Variants in ASIC2 observed in about 807,000 individuals in gnomAD.
The protein encoded by ASIC2 is acid-sensing ion channel 2.
Under a neutral mutation model 57.3 loss-of-function variants are expected in ASIC2, and 25 were observed. That is an observed-to-expected ratio of 0.44 (90% CI 0.32 to 0.61). ASIC2 has a LOEUF of 0.61. Among genes scored for constraint, ASIC2 ranks in the 20% least tolerant of loss-of-function variants. The pLI is 0.06. For missense variants in ASIC2, 641 were observed against 738.1 expected (o/e 0.87, Z 1.52); for synonymous variants, 319 against 307.5 (o/e 1.04, Z -0.39).
intron 1 of ASIC2, among the ~76,000 whole-genome samples, chr17:33,326,849 T>C (rs77881530): frequency 8.1e-4 from 123 of 152,324 alleles, no homozygotes; most frequent in Non-Finnish European, 1.4e-3. Context: ...TGTTCCTTTC[T>C]TCCACACCCA....
intron 1 of ASIC2, among the ~76,000 whole-genome samples, chr17:33,819,138 G>A (rs1047346070): frequency 1.8e-4 from 27 of 152,242 alleles, no homozygotes; most frequent in Admixed American, 1.6e-3. Flanking sequence ...GCTCTTCACA[G>A]AGCTGGTAAG....
chr17:33,148,229 G>A (rs1320729300), intron 1 of ASIC2, among the ~76,000 whole-genome samples: 2 of 152,168 alleles, frequency 1.3e-5, no homozygotes, highest in Non-Finnish European at 2.9e-5. Flanking sequence ...ATGCCATACT[G>A]CACAAAGAAA....
chr17:33,350,472 G>T (rs1397213574), intron 1 of ASIC2, among the ~76,000 whole-genome samples: 1 of 152,090 alleles, frequency 6.6e-6, no homozygotes, highest in East Asian at 1.9e-4. Context: ...CCGAGGTCAG[G>T]AGTTTGAGAC....
At chr17:34,149,175 T>G (rs1782874901) in intron 1 of ASIC2, among the ~76,000 whole-genome samples, 1 of 151,104 alleles carries the variant, frequency 6.6e-6, no homozygotes, top group South Asian at 2.1e-4. Flanking sequence ...GGTGTGATCA[T>G]GGCTCCCTGC....
chr17:33,795,425 AG>A lies in ASIC2; in HGVS notation c.555+360552del, dbSNP rs1911888350. 2.6e-5 allele frequency among the ~76,000 whole-genome samples: 4 copies of A among 152,378 alleles called. No individual in the cohort carries two copies. The South Asian group carries it at 8.3e-4, about 32-fold the overall frequency. On this transcript the variant is annotated intron_variant, in intron 1 of 9. Coordinates refer to the ASIC2 transcript ENST00000359872. ...CCTTTTTGCCTTACTCCTTCACAGA[AG>A]CCCTTGTTCCTGAGAGCATGCCCCT...
At chr17:33,392,441 T>C (rs1555604617) in intron 1 of ASIC2, among the ~76,000 whole-genome samples, 2 of 152,048 alleles carry the variant, frequency 1.3e-5, no homozygotes, top group Non-Finnish European at 2.9e-5. Context: ...TTTATTGTAT[T>C]TTTAGTAGAG....
chr17:33,314,696 T>C (rs1906570401), intron 1 of ASIC2, among the ~76,000 whole-genome samples: 2 of 152,218 alleles, frequency 1.3e-5, no homozygotes, highest in South Asian at 2.1e-4. Context: ...TTTACAAAGA[T>C]AGGCAAGTCA....
At chr17:33,110,049 CTG>C (rs5820017) in intron 2 of ASIC2, among the ~76,000 whole-genome samples, 21,020 of 148,990 alleles carry the variant, frequency 0.14, 1,450 homozygotes, top group African/African-American at 0.16. Flanking sequence ...ATGTGTGTGT[CTG>C]TGTGTGTGTG....
At chr17:33,303,443 C>G (rs960239305) in intron 1 of ASIC2, among the ~76,000 whole-genome samples, 4 of 152,196 alleles carry the variant, frequency 2.6e-5, no homozygotes, top group African/African-American at 9.7e-5. Context: ...GGTTCAAGTA[C>G]CAGGCTTGGC....
At chr17:34,035,647 A>T (rs922409343) in intron 1 of ASIC2, among the ~76,000 whole-genome samples, 5 of 152,150 alleles carry the variant, frequency 3.3e-5, no homozygotes, top group African/African-American at 7.3e-5. Context: ...ACAAAGGGCT[A>T]ATATCTAGAA....
intron 1 of ASIC2, among the ~76,000 whole-genome samples, chr17:33,349,577 C>G (rs1428702606): frequency 1.3e-5 from 2 of 152,204 alleles, no homozygotes; most frequent in Non-Finnish European, 2.9e-5. Flanking sequence ...TGCCCTCCAG[C>G]TCCACCCAAA....
At chr17:33,053,498 T>C (rs112377272) in intron 3 of ASIC2, among the ~76,000 whole-genome samples, 11 of 152,318 alleles carry the variant, frequency 7.2e-5, no homozygotes, top group African/African-American at 2.6e-4. Flanking sequence ...ACAGATTCCA[T>C]TTTCCCAAGT....
At chr17:33,845,207 A>G (rs1422582476) in intron 1 of ASIC2, among the ~76,000 whole-genome samples, 1 of 152,244 alleles carries the variant, frequency 6.6e-6, no homozygotes, top group Non-Finnish European at 1.5e-5. Flanking sequence ...TAATTCTATC[A>G]TTTGATTGAT....
chr17:33,764,773 G>C (rs1037733301), intron 1 of ASIC2, among the ~76,000 whole-genome samples: 5 of 152,158 alleles, frequency 3.3e-5, no homozygotes, highest in Admixed American at 1.3e-4. Flanking sequence ...CCACACTGGG[G>C]GTAAGTTTCT....
At chr17:33,706,994 A>C (rs979881634) in intron 1 of ASIC2, among the ~76,000 whole-genome samples, 1 of 152,210 alleles carries the variant, frequency 6.6e-6, no homozygotes, top group African/African-American at 2.4e-5. Context: ...GAATGCTGTG[A>C]AAATTCTTTG....
At chr17:34,011,085 G>GAACACA (rs1906733193) in intron 1 of ASIC2, among the ~76,000 whole-genome samples, 1 of 36,902 alleles carries the variant, frequency 2.7e-5, no homozygotes, top group Non-Finnish European at 6.7e-5. Context: ...GCAGACACAT[G>GAACACA]CACACACACA....
chr17:33,665,435 C>T (rs1907439945), intron 1 of ASIC2, among the ~76,000 whole-genome samples: 1 of 152,056 alleles, frequency 6.6e-6, no homozygotes, highest in Non-Finnish European at 1.5e-5. Context: ...ATGGCGTACC[C>T]ATGTCGAGGG....
chr17:33,282,307 T>C (rs1470162718), intron 1 of ASIC2, among the ~76,000 whole-genome samples: 2 of 152,222 alleles, frequency 1.3e-5, no homozygotes, highest in East Asian at 1.9e-4. Context: ...GGCTGTGTTC[T>C]TTCTGGAGGC....
Position 33,961,619 on chromosome 17 carries a change from T to C in ASIC2, c.555+194359A>G, listed in dbSNP as rs970331810. 2.3e-4 allele frequency among the ~76,000 whole-genome samples: 35 copies of C among 152,200 alleles called. 1 individual carries two copies. The highest frequency in any genetic ancestry group is 5.9e-5 in the Non-Finnish European group (4 of 68,030). ...TCTCTCCAGAGCAGACTTGCTGTTCTGGGAAGATCACGGAGTGATTTGCAT... is the reference window on the plus strand; with the variant it reads ...TCTCTCCAGAGCAGACTTGCTGTTCCGGGAAGATCACGGAGTGATTTGCAT... On this transcript the variant is annotated intron_variant, in intron 1 of 9. Coordinates refer to the ASIC2 transcript ENST00000359872.
Sources: allele counts gnomAD v4.1 joint callset (sites outside exome capture counted in the v4.1 genomes callset), GRCh38; gene constraint gnomAD v4.1.1; transcripts MANE v1.5; gene names NCBI Gene and HGNC (gene_info 2026-07-23, HGNC 2026-07-21).